MTM1: variants seen among roughly 807,000 people sequenced by gnomAD.
MTM1 encodes the protein myotubularin.
In MTM1, 9 loss-of-function variants were observed where a neutral mutation model predicts 52.1. That is an observed-to-expected ratio of 0.17 (90% confidence interval 0.10 to 0.30). MTM1 has a LOEUF of 0.30. Ranked by LOEUF, MTM1 falls within the 10% of genes least tolerant of loss-of-function variation. The probability of loss-of-function intolerance (pLI) is 1.00; values close to 1 mark genes in which losing one functional copy is unlikely to be tolerated. For missense variants in MTM1, 277 were observed against 470.7 expected, an observed-to-expected ratio of 0.59 and a Z score of 3.81; for synonymous variants, 136 against 163.8, an observed-to-expected ratio of 0.83 and a Z score of 1.29.
intron 1 of MTM1, among the ~76,000 whole-genome samples, chrX:150,588,038 G>A (rs1432491993): frequency 1.8e-5 from 2 of 111,308 alleles, no homozygotes; most frequent in Non-Finnish European, 3.8e-5. Context: ...TGATGGTATT[G>A]AGCACCACTG....
At position 150,671,569 on chromosome X, in the gene MTM1, A is replaced by C. The variant is rs782144341; in HGVS notation, c.1786A>C (p.Met596Leu). The C allele has an allele frequency of 8.3e-7, 1 of 1,211,361 alleles. No individual in the cohort carries two copies. Among genetic ancestry groups the C allele is most frequent in the Non-Finnish European group, 1.1e-6 (1 of 895,494 alleles). ...PTSPSSPSQM[M>L]PHVQTHF ...TTCACCTTCCAGTCCTTCGCAAATG[A>C]TGCCCCATGTGCAAACTCACTTCTG... The change falls in exon 15 of 15, where the codon ATG (methionine) becomes CTG (leucine). Residue 596 changes from methionine (M) to leucine (L), a missense_variant. This residue lies in a region of MTM1 where 51 missense variants were observed against 52.2 expected (regional missense o/e 0.98). Coordinates refer to ENST00000370396, the MANE Select transcript of MTM1 (RefSeq NM_000252.3).
chrX:150,645,216 C>T (rs1557413944), intron 8 of MTM1, among the ~76,000 whole-genome samples: 2 of 111,350 alleles, frequency 1.8e-5, no homozygotes, highest in Non-Finnish European at 3.8e-5. Flanking sequence ...AGGTTTTCTT[C>T]CTTCCTGTGT....
In MTM1 at chrX:150,614,651, C is replaced by T. The variant is rs781859151; in HGVS notation, c.294C>T (p.Gly98=). 9 of 1,198,186 alleles carry T rather than the reference C, an allele frequency of 7.5e-6. No individual in the cohort carries two copies. Among genetic ancestry groups the T allele is most frequent in the Admixed American group, 4.4e-5 (2 of 45,735 alleles). ...TCTCGAGAATTGAAAAAATGGGAGG[C>T]GCGACAAGTAGAGGAGAAAATTCCT... ...GVISRIEKMG[G]ATSRGENSYG... Residue 98 remains glycine, a synonymous_variant, in exon 5 of 15, where the codon GGC becomes GGT. Coordinates refer to ENST00000370396, the MANE Select transcript of MTM1 (RefSeq NM_000252.3).
intron 10 of MTM1, among the ~76,000 whole-genome samples, chrX:150,650,289 AATCTC>A (rs202021225): frequency 0.012 from 1,365 of 109,861 alleles, 13 homozygotes; most frequent in Middle Eastern, 0.041. Context: ...TTTTGAAACT[AATCTC>A]AAATGACTTA....
chrX:150,564,942 C>A (rs368472310), upstream of MTM1, among the ~76,000 whole-genome samples: 14 of 111,636 alleles, frequency 1.3e-4, no homozygotes, highest in African/African-American at 4.6e-4. Context: ...AGAAGTTAGA[C>A]CTGGCATTCA....
At position 150,650,266 on chromosome X, in the gene MTM1, G is replaced by GT. The variant is rs200481379; in HGVS notation, c.1053+374dup. Among the ~76,000 whole-genome samples, 588 of 105,919 alleles carry GT rather than the reference G, an allele frequency of 5.6e-3. 2 individuals are homozygous for GT. Among genetic ancestry groups the GT allele is most frequent in the Middle Eastern group, 9.4e-3 (2 of 213 alleles). The allele number at this position is 105,919 out of a possible 115,157, so 92.0% of individuals were successfully genotyped here. On this transcript the variant is annotated intron_variant, in intron 10 of 14. Transcript: ENST00000370396. ...AGTTTTGTTTTTTTTGTTGTTTTTT[G>GT]TTTTTTTTTGTTTTTTGAAACTAAT...
intron 1 of MTM1, among the ~76,000 whole-genome samples, chrX:150,583,609 TTTATATATA>T (rs1164216547): frequency 3.0e-5 from 1 of 33,687 alleles, no homozygotes; most frequent in Non-Finnish European, 4.5e-5. Flanking sequence ...TAATATATAA[TTTATATATA>T]TTATATATAA....
chrX:150,593,880 T>A (rs782734663), intron 2 of MTM1, among the ~76,000 whole-genome samples: 1 of 109,891 alleles, frequency 9.1e-6, no homozygotes, highest in East Asian at 2.9e-4. Context: ...GGTGGGAGAT[T>A]GTTTGAGCCT....
At chrX:150,607,826 C>T (rs1234870164) in intron 4 of MTM1, among the ~76,000 whole-genome samples, 3 of 111,631 alleles carry the variant, frequency 2.7e-5, no homozygotes, top group African/African-American at 9.8e-5. Context: ...AACAGTTTCT[C>T]CCTCACGAAG....
intron 14 of MTM1, among the ~76,000 whole-genome samples, chrX:150,669,714 GTTGT>G (rs1267578605): frequency 2.7e-5 from 3 of 111,922 alleles, no homozygotes; most frequent in African/African-American, 9.8e-5. Context: ...TTCTGATGGG[GTTGT>G]TTATCTTTTA....
chrX:150,627,080 A>G (rs2039581765), intron 6 of MTM1, among the ~76,000 whole-genome samples: 2 of 110,958 alleles, frequency 1.8e-5, no homozygotes, highest in Admixed American at 1.9e-4. Context: ...ATTGTTGTCT[A>G]TGGTCAGAAG....
rs782732077 is a variant in MTM1, at chrX:150,583,513, T to A, written c.-10-9092T>A. ...ATATATAAATTATAAATATATATAA[T>A]TTATATATATTATATATAAATTATA... On this transcript the variant is annotated intron_variant, in intron 1 of 14. Transcript: ENST00000370396. 7.8e-3 allele frequency among the ~76,000 whole-genome samples: 260 copies of A among 33,547 alleles called. 14 individuals carry two copies. Among genetic ancestry groups the A allele is most frequent in the African/African-American group, 0.018 (144 of 8,185 alleles). The allele number at this position is 33,547 out of a possible 115,157, so 29.1% of individuals were successfully genotyped here.
intron 14 of MTM1, among the ~76,000 whole-genome samples, chrX:150,665,978 T>G (rs1322304884): frequency 8.9e-6 from 1 of 112,413 alleles, no homozygotes; most frequent in Non-Finnish European, 1.9e-5. Context: ...AAATTTTATA[T>G]AGTGGTAACT....
chrX:150,659,530 T>C lies in MTM1; in HGVS notation c.1261-134T>C. The stretch of plus-strand genomic sequence containing the variant: ...CATTGCCTATATTGCCATGGAAGTA[T>C]ATATTATTTCCTCTCTGAGAAACTT... On this transcript the variant is annotated intron_variant, in intron 11 of 14. Transcript: ENST00000370396. 5.9e-6 allele frequency: 3 copies of C among 512,435 alleles called. No homozygotes were observed. The East Asian group carries it at 1.1e-4, about 19-fold the overall frequency. 42.2% of individuals were successfully genotyped at this position (512,435 alleles called of 1,213,427 possible). A position where few individuals can be genotyped will look rare whatever the true frequency, so the allele number is the denominator to read the frequency against.
intron 1 of MTM1, among the ~76,000 whole-genome samples, chrX:150,585,714 TAAA>T (rs1328513892): frequency 8.9e-6 from 1 of 112,239 alleles, no homozygotes; most frequent in African/African-American, 3.2e-5. Flanking sequence ...ATTTGACTGT[TAAA>T]AAATCCATTG....
At chrX:150,663,652 T>C (rs1557414816) in intron 14 of MTM1, 43 bp downstream of exon 14, 1 of 1,118,362 alleles carries the variant, frequency 8.9e-7, no homozygotes, top group South Asian at 1.8e-5. Flanking sequence ...TGTCAACTGC[T>C]TGCCTTAGAT....
chrX:150,667,720 G>C (rs782755882), intron 14 of MTM1, among the ~76,000 whole-genome samples: 19 of 112,349 alleles, frequency 1.7e-4, no homozygotes, highest in Non-Finnish European at 3.0e-4. Context: ...TGATCATAGG[G>C]AGAATGGGAT....
At chrX:150,645,983 G>T in intron 9 of MTM1, 112 bp downstream of exon 9, 1 of 685,596 alleles carries the variant, frequency 1.5e-6, no homozygotes, top group Non-Finnish European at 2.3e-6. Flanking sequence ...TAATAGTTAA[G>T]AAAACCAGTT....
intron 3 of MTM1, 124 bp downstream of exon 3, chrX:150,596,694 C>A: frequency 1.9e-6 from 1 of 529,189 alleles, no homozygotes; most frequent in Non-Finnish European, 3.3e-6. Context: ...TGTTTAGAAG[C>A]GTTAACACAG....
Sources: allele counts gnomAD v4.1 joint callset (sites outside exome capture counted in the v4.1 genomes callset), GRCh38; gene constraint gnomAD v4.1.1; regional missense constraint gnomAD v4.1.1; transcripts MANE v1.5; gene names NCBI Gene and HGNC (gene_info 2026-07-23, HGNC 2026-07-21).